Variants in BIRC6 observed in about 807,000 individuals in gnomAD.
BIRC6 encodes baculoviral IAP repeat containing 6, also known as dual E2 ubiquitin-conjugating enzyme/E3 ubiquitin-protein ligase BIRC6.
BIRC6 carries 98 observed loss-of-function variants against 503.3 expected under a neutral mutation model. That is an observed-to-expected ratio of 0.19 (90% confidence interval 0.17 to 0.23). The LOEUF (loss-of-function observed/expected upper bound fraction) is 0.23. Ranked by LOEUF, BIRC6 falls within the 10% of genes least tolerant of loss-of-function variation. The pLI, the probability that BIRC6 is intolerant of heterozygous loss-of-function variation, is 1.00. For synonymous variants in BIRC6, 2,240 were observed against 2,078.7 expected (o/e 1.08, Z -2.11); for missense variants, 5,360 against 5,806.0 (o/e 0.92, Z 2.50).
intron 49 of BIRC6, among the ~76,000 whole-genome samples, chr2:32,503,821 T>C (rs1056157752): frequency 6.6e-6 from 1 of 152,166 alleles, no homozygotes; most frequent in Non-Finnish European, 1.5e-5. Context: ...GATTCTTCCG[T>C]AAGTTTTCTC....
At chr2:32,479,395 A>G in intron 36 of BIRC6, 67 bp from the exon 37 acceptor site, 1 of 1,438,048 alleles carries the variant, frequency 7.0e-7, no homozygotes, top group Non-Finnish European at 9.5e-7. Flanking sequence ...GGAGGAAAAA[A>G]ATGTGCTGTA....
intron 66 of BIRC6, among the ~76,000 whole-genome samples, chr2:32,593,465 G>A (rs763562166): frequency 1.3e-5 from 2 of 152,002 alleles, no homozygotes; most frequent in Non-Finnish European, 2.9e-5. Context: ...GAAACACATT[G>A]TATTAAGACA....
intron 26 of BIRC6, among the ~76,000 whole-genome samples, chr2:32,466,718 T>C (rs2048577298): frequency 1.3e-5 from 2 of 152,244 alleles, no homozygotes; most frequent in African/African-American, 4.8e-5. Context: ...TTTAAAACTC[T>C]GATGTTTTAA....
At chr2:32,419,905 T>C (rs536022998) in intron 10 of BIRC6, among the ~76,000 whole-genome samples, 103 of 152,336 alleles carry the variant, frequency 6.8e-4, no homozygotes, top group African/African-American at 2.4e-3. Context: ...TGCTAAGAGT[T>C]TCCAATAGGA....
intron 57 of BIRC6, among the ~76,000 whole-genome samples, chr2:32,521,089 A>G (rs2055609748): frequency 1.3e-5 from 2 of 152,118 alleles, no homozygotes; most frequent in Admixed American, 1.3e-4. Context: ...CAAAAGTTAT[A>G]TGTGCTGAAT....
At chr2:32,485,888 C>CT (rs1215552704) in intron 40 of BIRC6, 129 bp downstream of exon 40, 1 of 604,324 alleles carries the variant, frequency 1.7e-6, no homozygotes, top group African/African-American at 1.9e-5. Flanking sequence ...GTATGTAGCA[C>CT]TTTCCTGGCT....
At chr2:32,547,165 T>A (rs1003094730) in intron 63 of BIRC6, among the ~76,000 whole-genome samples, 1 of 152,234 alleles carries the variant, frequency 6.6e-6, no homozygotes, top group South Asian at 2.1e-4. Flanking sequence ...AGCTGAGATA[T>A]CCTTTTGCTA....
chr2:32,499,716 A>G lies in BIRC6; in HGVS notation c.8638A>G (p.Arg2880Gly). 6.2e-7 allele frequency: 1 copy of G among 1,614,056 alleles called. No individual in the cohort carries two copies. Among genetic ancestry groups the G allele is most frequent in the East Asian group, 2.2e-5 (1 of 44,886 alleles). ...CACTTGCTCAGACAAAGTAATGTCA[A>G]GAAGTGGATCAGATAGCTCCGTGGG... Reference protein sequence around the residue: ...YITCSDKVMSRSGSDSSVGAR... With the variant: ...YITCSDKVMSGSGSDSSVGAR... Residue 2880 changes from arginine (R) to glycine (G), a missense_variant, in exon 46 of 74, where the codon AGA (arginine) becomes GGA (glycine). Transcript: ENST00000421745.
intron 48 of BIRC6, 36 bp downstream of exon 48, chr2:32,502,927 A>G: frequency 6.4e-7 from 1 of 1,562,110 alleles, no homozygotes; most frequent in East Asian, 2.2e-5. Context: ...ATTTAAGTGT[A>G]GTTATGTGAT....
At chr2:32,421,630 A>C (rs923850848) in intron 10 of BIRC6, among the ~76,000 whole-genome samples, 1 of 152,166 alleles carries the variant, frequency 6.6e-6, no homozygotes, top group African/African-American at 2.4e-5. Flanking sequence ...GCCTCCAAAT[A>C]CTTGAGGTTT....
At chr2:32,477,333 A>G (rs749926171) in intron 34 of BIRC6, 35 bp from the exon 35 acceptor site, 2 of 1,590,518 alleles carry the variant, frequency 1.3e-6, no homozygotes, top group Admixed American at 1.8e-5. Flanking sequence ...CATTAAGTAA[A>G]CATTGATTTA....
At chr2:32,493,818 T>C (rs2052066060) in intron 45 of BIRC6, among the ~76,000 whole-genome samples, 151 bp downstream of exon 45, 1 of 152,234 alleles carries the variant, frequency 6.6e-6, no homozygotes, top group South Asian at 2.1e-4. Flanking sequence ...TTGGTGTGTT[T>C]CCTGATTGTT....
At chr2:32,409,937 A>G (rs1460835721) in intron 9 of BIRC6, among the ~76,000 whole-genome samples, 1 of 152,212 alleles carries the variant, frequency 6.6e-6, no homozygotes, top group Non-Finnish European at 1.5e-5. Context: ...TAGAATGTAT[A>G]GTTTATGCTG....
At chr2:32,413,512 T>C (rs867234131) in intron 9 of BIRC6, among the ~76,000 whole-genome samples, 1 of 150,636 alleles carries the variant, frequency 6.6e-6, no homozygotes, top group African/African-American at 2.4e-5. Context: ...AGAGGCGGGG[T>C]TTTGCCATGT....
chr2:32,477,872 A>C (rs1558840453), intron 35 of BIRC6, among the ~76,000 whole-genome samples: 1 of 151,964 alleles, frequency 6.6e-6, no homozygotes, highest in Non-Finnish European at 1.5e-5. Flanking sequence ...ATTGTGTCTT[A>C]AAAGATGAAA....
intron 26 of BIRC6, among the ~76,000 whole-genome samples, chr2:32,466,748 G>A (rs2048579909): frequency 6.6e-6 from 1 of 152,108 alleles, no homozygotes; most frequent in South Asian, 2.1e-4. Flanking sequence ...TTTGTATAGT[G>A]GTTGATTGCC....
At chr2:32,460,994 TCTGC>T (rs1442176286) in intron 23 of BIRC6, among the ~76,000 whole-genome samples, 1 of 138,038 alleles carries the variant, frequency 7.2e-6, no homozygotes, top group Non-Finnish European at 1.6e-5. Flanking sequence ...TCTGCTCTGC[TCTGC>T]TCTCTTCTCT....
intron 10 of BIRC6, among the ~76,000 whole-genome samples, chr2:32,423,374 CA>C (rs1202214059): frequency 6.6e-6 from 1 of 152,058 alleles, no homozygotes; most frequent in Non-Finnish European, 1.5e-5. Flanking sequence ...AATACATTCA[CA>C]ATGTTGTATA....
At chr2:32,444,447 G>C (rs2148384215) in intron 20 of BIRC6, among the ~76,000 whole-genome samples, 1 of 152,244 alleles carries the variant, frequency 6.6e-6, no homozygotes, top group Non-Finnish European at 1.5e-5. Flanking sequence ...CTCTAAAATA[G>C]CACATATATA....
Sources: allele counts gnomAD v4.1 joint callset (sites outside exome capture counted in the v4.1 genomes callset), GRCh38; gene constraint gnomAD v4.1.1; transcripts MANE v1.5; gene names NCBI Gene and HGNC (gene_info 2026-07-23, HGNC 2026-07-21).